The following AGPAT2 variants were observed in gnomAD, a reference collection of about 807,000 sequenced individuals.
AGPAT2 encodes the protein 1-acyl-sn-glycerol-3-phosphate acyltransferase beta.
A neutral mutation model predicts 26.1 loss-of-function variants in AGPAT2; 18 were observed. That is an observed-to-expected ratio of 0.69 (90% confidence interval 0.48 to 1.02). The LOEUF (loss-of-function observed/expected upper bound fraction) is 1.02, where lower values mean the gene tolerates loss of function less well. Among genes scored for constraint, AGPAT2 ranks in the 50% least tolerant of loss-of-function variants. The pLI is 0.00. For missense variants in AGPAT2, 415 were observed against 394.9 expected (o/e 1.05, Z -0.43); for synonymous variants, 200 against 174.2 (o/e 1.15, Z -1.16).
chr9:136,681,070 G>A (rs983838304), intron 1 of AGPAT2, among the ~76,000 whole-genome samples: 3 of 151,542 alleles, frequency 2.0e-5, no homozygotes, highest in Non-Finnish European at 2.9e-5. Context: ...CTGCCGTGTG[G>A]CCAGCACCAC....
Position 136,673,446 on chromosome 9 carries a change from G to A in AGPAT2, c.*306C>T, listed in dbSNP as rs1846036281. ...CTGCTCCTGGGCCATCGGGGGCCTTGTGGCTCAGCCCACCAGCGGGCCACA... is the reference window on the plus strand; with the variant it reads ...CTGCTCCTGGGCCATCGGGGGCCTTATGGCTCAGCCCACCAGCGGGCCACA... On this transcript the variant is annotated 3_prime_UTR_variant, in exon 6 of 6. Transcript: ENST00000371696. The A allele has an allele frequency of 3.6e-6, 1 of 281,586 alleles. No homozygotes were observed. Among genetic ancestry groups the A allele is most frequent in the Non-Finnish European group, 6.7e-6 (1 of 150,250 alleles). 17.4% of individuals were successfully genotyped at this position (281,586 alleles called of 1,614,324 possible).
intron 4 of AGPAT2, 33 bp downstream of exon 4, chr9:136,676,552 G>A: frequency 6.3e-7 from 1 of 1,579,256 alleles, no homozygotes; most frequent in Non-Finnish European, 8.7e-7. Flanking sequence ...TCCCCAGCCT[G>A]CACCCACCCA....
At chr9:136,684,139 A>C (rs1188304972) in intron 1 of AGPAT2, among the ~76,000 whole-genome samples, 2 of 152,172 alleles carry the variant, frequency 1.3e-5, no homozygotes, top group Non-Finnish European at 2.9e-5. Flanking sequence ...GTGGGAATAG[A>C]GGTCAAAGGA....
At chr9:136,683,061 AGGGGGTGG>A (rs1391760046) in intron 1 of AGPAT2, among the ~76,000 whole-genome samples, 1 of 3,284 alleles carries the variant, frequency 3.0e-4, no homozygotes, top group Non-Finnish European at 5.8e-4. Flanking sequence ...GGGGATGACT[AGGGGGTGG>A]GGGGGAGGGG....
At chr9:136,674,638 G>A (rs1247320755) in intron 5 of AGPAT2, 97 bp downstream of exon 5, 4 of 959,594 alleles carry the variant, frequency 4.2e-6, no homozygotes, top group Non-Finnish European at 5.7e-6. Context: ...GCCACGCCAC[G>A]GGTGCCACCC....
chr9:136,686,989 G>GTGACTCCGGGACCCCC (rs933529352), intron 1 of AGPAT2, among the ~76,000 whole-genome samples, 187 bp downstream of exon 1: 7 of 152,254 alleles, frequency 4.6e-5, no homozygotes, highest in African/African-American at 1.2e-4. Flanking sequence ...CCTTGACCCC[G>GTGACTCCGGGACCCCC]TGACTCCGGG....
chr9:136,686,883 C>T (rs1846228038), intron 1 of AGPAT2, among the ~76,000 whole-genome samples: 1 of 152,264 alleles, frequency 6.6e-6, no homozygotes, highest in South Asian at 2.1e-4. Flanking sequence ...CCCCGGAACC[C>T]CACGCCGGGC....
At chr9:136,676,151 A>C (rs1321909928) in intron 4 of AGPAT2, among the ~76,000 whole-genome samples, 2 of 151,990 alleles carry the variant, frequency 1.3e-5, no homozygotes, top group African/African-American at 4.8e-5. Context: ...AGCTCCACCC[A>C]CCCTGAGCTC....
Position 136,687,291 on chromosome 9 carries a change from C to T in AGPAT2, c.67G>A (p.Ala23Thr). 1.9e-6 allele frequency: 3 copies of T among 1,583,690 alleles called. No homozygotes were observed. The highest frequency in any genetic ancestry group is 2.6e-6 in the Non-Finnish European group (3 of 1,169,740). ...LLLLLVQLSRAAEFYAKVALY... is the reference protein window; with the variant it reads ...LLLLLVQLSRTAEFYAKVALY... ...GCGACCTTGGCGTAGAACTCGGCCG[C>T]GCGGCTCAGCTGCACCAGCAGCAGC... Residue 23 changes from alanine (A) to threonine (T), a missense_variant, in exon 1 of 6, where the codon GCG becomes ACG. Transcript: ENST00000371696.
intron 1 of AGPAT2, among the ~76,000 whole-genome samples, chr9:136,686,945 G>C (rs1846229059): frequency 1.3e-5 from 2 of 152,280 alleles, no homozygotes; most frequent in South Asian, 4.1e-4. Context: ...GGGCCAGGGC[G>C]GGGGGTGGGG....
At chr9:136,686,908 G>A (rs892301486) in intron 1 of AGPAT2, among the ~76,000 whole-genome samples, 1 of 152,248 alleles carries the variant, frequency 6.6e-6, no homozygotes, top group African/African-American at 2.4e-5. Context: ...GGGACGCGGC[G>A]GAGGCCGAAA....
Position 136,677,469 on chromosome 9 carries a change from A to G in AGPAT2, c.270T>C (p.Arg90=). The change falls in exon 2 of 6, where the codon CGT becomes CGC. Residue 90 remains arginine (R), a synonymous_variant. Transcript: ENST00000371696. ...VRDPRRLQEA[R]PCVIVSNHQS... Reference sequence around the variant, plus strand: ...GGTGGTTGGAGACGATGACACAGGGACGGGCCTCCTGCAGCCTGCGCGGGT... The same window carrying G: ...GGTGGTTGGAGACGATGACACAGGGGCGGGCCTCCTGCAGCCTGCGCGGGT... 6.2e-7 allele frequency: 1 copy of G among 1,613,090 alleles called. No individual in the cohort carries two copies.
intron 2 of AGPAT2, 58 bp from the exon 3 acceptor site, chr9:136,677,194 C>T (rs1846103927): frequency 6.3e-6 from 10 of 1,595,392 alleles, no homozygotes; most frequent in South Asian, 1.1e-5. Flanking sequence ...CGCTGGAAGA[C>T]AGCTGCTGAG....
rs1162266718 is a variant in AGPAT2 at position 136,677,541 on chromosome 9, G to A, written c.198C>T (p.Phe66=). The part of the protein sequence containing the change: ...TVENMSIIGW[F]VRSFKYFYGL... ...CGTAAAAGTACTTGAAGCTTCGCAC[G>A]AACCAGCCGATGATGCTGCAGGGGA... Residue 66 remains phenylalanine (F), a synonymous_variant, in exon 2 of 6, where the codon TTC becomes TTT. Transcript: ENST00000371696. 2.2e-5 allele frequency: 36 copies of A among 1,612,780 alleles called. No homozygotes were observed. The highest frequency in any genetic ancestry group is 3.0e-5 in the Non-Finnish European group (35 of 1,179,920).
chr9:136,678,701 G>T (rs1310684304), intron 1 of AGPAT2, among the ~76,000 whole-genome samples: 3 of 152,180 alleles, frequency 2.0e-5, no homozygotes, highest in African/African-American at 7.2e-5. Context: ...CAAAGCCGGG[G>T]CCTTCTCTCA....
chr9:136,674,015 C>T, intron 5 of AGPAT2, 88 bp from the exon 6 acceptor site: 1 of 1,295,222 alleles, frequency 7.7e-7, no homozygotes, highest in South Asian at 1.7e-5. Flanking sequence ...TCCCCAGCCC[C>T]CCACAGCCCC....
Position 136,676,984 on chromosome 9 carries a change from C to A in AGPAT2, c.469G>T (p.Gly157Cys), listed in dbSNP as rs367594835. Residue 157 changes from glycine (G) to cysteine (C), a missense_variant, in exon 3 of 6, where the codon GGC becomes TGC. Physicochemically the swap from Gly to Cys is radical, Grantham distance 159. Transcript: ENST00000371696. ...STAMTVMADL[G>C]ERMVRENLKV... ...ACGTTCTCCCTGACCATGCGCTCGC[C>A]CAGGTCGGCCATCACTGTCATGGCA... 4.3e-6 allele frequency: 7 copies of A among 1,612,782 alleles called. No individual in the cohort carries two copies. The highest frequency in any genetic ancestry group is 5.9e-6 in the Non-Finnish European group (7 of 1,179,898).
intron 5 of AGPAT2, among the ~76,000 whole-genome samples, chr9:136,674,399 C>T (rs1175245317): frequency 6.6e-6 from 1 of 152,224 alleles, no homozygotes; most frequent in Admixed American, 6.5e-5. Flanking sequence ...GCCTGGGTTC[C>T]ATCTACCCTA....
chr9:136,680,659 AT>A (rs950274622), intron 1 of AGPAT2, among the ~76,000 whole-genome samples: 18 of 152,040 alleles, frequency 1.2e-4, no homozygotes, highest in African/African-American at 4.4e-4. Context: ...TTATTAAAAA[AT>A]AAGATCTTCA....
Sources: allele counts gnomAD v4.1 joint callset (sites outside exome capture counted in the v4.1 genomes callset), GRCh38; gene constraint gnomAD v4.1.1; transcripts MANE v1.5; gene names NCBI Gene and HGNC (gene_info 2026-07-23, HGNC 2026-07-21).